The following NSDHL variants were observed in gnomAD, a reference collection of about 807,000 sequenced individuals.
NSDHL encodes the protein NAD(P) dependent 3-beta-hydroxysteroid dehydrogenase NSDHL.
NSDHL carries 1 observed loss-of-function variant against 23.0 expected under a neutral mutation model. The ratio of observed to expected loss-of-function variants is 0.04; its 90% confidence interval spans 0.02 to 0.21. The LOEUF is 0.21. Ranked by LOEUF, NSDHL falls within the 10% of genes least tolerant of loss-of-function variation. The pLI is 1.00. For synonymous variants in NSDHL, 128 were observed against 121.1 expected (o/e 1.06, Z -0.37); for missense variants, 237 against 300.9 (o/e 0.79, Z 1.57).
At chrX:152,851,552 G>A (rs782548658) in intron 3 of NSDHL, among the ~76,000 whole-genome samples, 2 of 111,236 alleles carry the variant, frequency 1.8e-5, no homozygotes, top group Non-Finnish European at 3.8e-5. Flanking sequence ...CATTGCTTCC[G>A]CTGCAAAGTT....
rs1168186698 is a variant in NSDHL, at chrX:152,869,324, G to A, written c.*208G>A. The A allele has an allele frequency of 1.7e-5, 8 of 463,496 alleles. No individual in the cohort carries two copies. The highest frequency in any genetic ancestry group is 3.1e-5 in the Non-Finnish European group (8 of 259,802). 38.2% of individuals were successfully genotyped at this position (463,496 alleles called of 1,213,427 possible). A position where few individuals can be genotyped will look rare whatever the true frequency, so the allele number is the denominator to read the frequency against. On this transcript the variant is annotated 3_prime_UTR_variant, in exon 8 of 8. Transcript: ENST00000370274. The stretch of plus-strand genomic sequence containing the variant: ...TCATGGAACTGGATTTGGATTTCTT[G>A]AAGCAGGCAGCTTCATATTATACCG...
intron 1 of NSDHL, among the ~76,000 whole-genome samples, chrX:152,845,368 T>C (rs1197905519): frequency 8.9e-6 from 1 of 112,015 alleles, no homozygotes; most frequent in Admixed American, 9.4e-5. Flanking sequence ...AAAGTTAGAC[T>C]CTTGTCTTGT....
At chrX:152,856,709 A>G (rs1182827676) in intron 3 of NSDHL, among the ~76,000 whole-genome samples, 1 of 112,763 alleles carries the variant, frequency 8.9e-6, no homozygotes, top group Non-Finnish European at 1.9e-5. Flanking sequence ...CATTTTGAGC[A>G]TTTTGAGCCT....
chrX:152,855,343 T>G (rs1933428787), intron 3 of NSDHL, among the ~76,000 whole-genome samples: 1 of 112,000 alleles, frequency 8.9e-6, no homozygotes, highest in African/African-American at 3.2e-5. Context: ...GTGCATCTTT[T>G]GTTGCTGACA....
intron 3 of NSDHL, 97 bp downstream of exon 3, chrX:152,850,520 C>CA: frequency 1.1e-6 from 1 of 888,466 alleles, no homozygotes; most frequent in Non-Finnish European, 1.7e-6. Context: ...GTTTGAAAAA[C>CA]AATTGTTTCA....
intron 1 of NSDHL, among the ~76,000 whole-genome samples, chrX:152,843,821 C>T (rs966601213): frequency 1.8e-5 from 2 of 112,673 alleles, no homozygotes; most frequent in African/African-American, 3.2e-5. Flanking sequence ...AGTTTGCTTG[C>T]GAGTCCCAGT....
chrX:152,839,188 A>G (rs1286965431), intron 1 of NSDHL, among the ~76,000 whole-genome samples: 1 of 111,361 alleles, frequency 9.0e-6, no homozygotes, highest in Non-Finnish European at 1.9e-5. Context: ...GAGCCTATGT[A>G]CGTCACTGCA....
intron 1 of NSDHL, among the ~76,000 whole-genome samples, chrX:152,835,878 C>G (rs1163754767): frequency 2.7e-5 from 3 of 112,271 alleles, no homozygotes; most frequent in African/African-American, 9.7e-5. Flanking sequence ...AATGGCCACA[C>G]TGTCTTCCAC....
At chrX:152,853,220 T>C (rs1406080436) in intron 3 of NSDHL, among the ~76,000 whole-genome samples, 1 of 108,464 alleles carries the variant, frequency 9.2e-6, no homozygotes, top group East Asian at 3.0e-4. Context: ...TCAAGCTTGC[T>C]ACATCCAAAA....
chrX:152,852,850 T>TCC (rs1313647300), intron 3 of NSDHL, among the ~76,000 whole-genome samples: 2 of 110,495 alleles, frequency 1.8e-5, no homozygotes, highest in African/African-American at 6.6e-5. Context: ...TATCTGGTGG[T>TCC]TGAATCTCAG....
intron 4 of NSDHL, 42 bp from the exon 5 acceptor site, chrX:152,862,554 G>A: frequency 2.6e-6 from 3 of 1,170,317 alleles, no homozygotes; most frequent in Non-Finnish European, 3.5e-6. Context: ...TTTGAATTGT[G>A]ATAATTTGTG....
At chrX:152,844,101 T>C (rs1022284337) in intron 1 of NSDHL, among the ~76,000 whole-genome samples, 7 of 112,205 alleles carry the variant, frequency 6.2e-5, no homozygotes, top group Admixed American at 4.7e-4. Flanking sequence ...GGGAGACTCC[T>C]GCACAGGAAG....
chrX:152,834,264 A>G (rs1172319768), intron 1 of NSDHL, among the ~76,000 whole-genome samples: 2 of 112,824 alleles, frequency 1.8e-5, no homozygotes, highest in Non-Finnish European at 3.8e-5. Flanking sequence ...TGGAGAGGAG[A>G]GAGAAGGTAT....
intron 5 of NSDHL, among the ~76,000 whole-genome samples, chrX:152,863,441 A>G (rs1411303616): frequency 1.8e-5 from 2 of 112,267 alleles, no homozygotes; most frequent in East Asian, 5.6e-4. Context: ...AATTTACAGC[A>G]GTTGCAAGCG....
chrX:152,856,799 G>A (rs1291334952), intron 3 of NSDHL, among the ~76,000 whole-genome samples: 3 of 113,054 alleles, frequency 2.7e-5, no homozygotes, highest in African/African-American at 9.6e-5. Flanking sequence ...GCTAGCGCCT[G>A]CAATGCCAGC....
At chrX:152,866,501 G>A (rs1933609596) in intron 6 of NSDHL, among the ~76,000 whole-genome samples, 1 of 113,205 alleles carries the variant, frequency 8.8e-6, no homozygotes, top group South Asian at 3.6e-4. Context: ...AATGGATTCT[G>A]TCACATTTTG....
chrX:152,836,377 C>T (rs1933096621), intron 1 of NSDHL, among the ~76,000 whole-genome samples: 1 of 111,922 alleles, frequency 8.9e-6, no homozygotes, highest in African/African-American at 3.3e-5. Context: ...AGTCCTTGCC[C>T]ATGCCTATGT....
At chrX:152,835,361 G>T (rs1933077299) in intron 1 of NSDHL, among the ~76,000 whole-genome samples, 1 of 107,344 alleles carries the variant, frequency 9.3e-6, no homozygotes, top group Non-Finnish European at 1.9e-5. Context: ...ATGCAGGTTT[G>T]TTACATAGGT....
At chrX:152,835,340 A>C (rs1933076929) in intron 1 of NSDHL, among the ~76,000 whole-genome samples, 1 of 107,886 alleles carries the variant, frequency 9.3e-6, no homozygotes, top group South Asian at 4.2e-4. Context: ...TCTAGGGTAC[A>C]TGTGCACAAC....
Sources: allele counts gnomAD v4.1 joint callset (sites outside exome capture counted in the v4.1 genomes callset), GRCh38; gene constraint gnomAD v4.1.1; transcripts MANE v1.5; gene names NCBI Gene and HGNC (gene_info 2026-07-23, HGNC 2026-07-21).